Variants in PLCG2 observed in about 807,000 individuals in gnomAD.
PLCG2 encodes the protein 1-phosphatidylinositol 4,5-bisphosphate phosphodiesterase gamma-2.
A neutral mutation model predicts 175.6 loss-of-function variants in PLCG2; 69 were observed. The ratio of observed to expected loss-of-function variants is 0.39; its 90% confidence interval spans 0.32 to 0.48. The LOEUF (loss-of-function observed/expected upper bound fraction) is 0.48, where lower values mean the gene tolerates loss of function less well. PLCG2 is among the 20% of genes least tolerant of loss of function. The probability of loss-of-function intolerance (pLI) is 0.91; values close to 1 mark genes in which losing one functional copy is unlikely to be tolerated. For synonymous variants in PLCG2, 827 were observed against 624.0 expected (o/e 1.33, Z -4.85); for missense variants, 1,798 against 1,650.9 (o/e 1.09, Z -1.54).
intron 11 of PLCG2, 115 bp from the exon 12 acceptor site, chr16:81,893,588 AGAACTC>A: frequency 2.9e-6 from 2 of 683,474 alleles, no homozygotes; most frequent in Non-Finnish European, 5.2e-6. Flanking sequence ...TCTACATGGA[AGAACTC>A]AGAGCTTTGG....
chr16:81,785,237 A>C (rs1199036684), intron 1 of PLCG2, among the ~76,000 whole-genome samples: 2 of 152,164 alleles, frequency 1.3e-5, no homozygotes, highest in Non-Finnish European at 2.9e-5. Context: ...GACACCTCCT[A>C]GGTGCTGGCC....
chr16:81,838,165 G>A (rs111611909), intron 2 of PLCG2, among the ~76,000 whole-genome samples: 2,554 of 151,438 alleles, frequency 0.017, 25 homozygotes, highest in Non-Finnish European at 0.025. Flanking sequence ...TGCAACCTCT[G>A]CCTCCTGGGT....
chr16:81,757,676 T>A (rs1909956929), intron 2 of PLCG2, among the ~76,000 whole-genome samples: 1 of 152,220 alleles, frequency 6.6e-6, no homozygotes, highest in Non-Finnish European at 1.5e-5. Context: ...AATTCATGTA[T>A]CACGCAATTC....
At chr16:81,900,340 G>T (rs1282998195) in intron 13 of PLCG2, among the ~76,000 whole-genome samples, 1 of 152,196 alleles carries the variant, frequency 6.6e-6, no homozygotes, top group Non-Finnish European at 1.5e-5. Flanking sequence ...TAAGTTTAAA[G>T]ATATGAATAG....
chr16:81,812,093 A>G (rs1597332506), intron 2 of PLCG2, among the ~76,000 whole-genome samples: 1 of 116,722 alleles, frequency 8.6e-6, no homozygotes, highest in Non-Finnish European at 1.6e-5. Flanking sequence ...TCTTTTGCCC[A>G]GGCTGGACTG....
rs377752384 is a variant in PLCG2, at chr16:81,936,239, C to T, written c.2913C>T (p.Pro971=). ...CTGACAGCATCATCAGACAGAAGCC[C>T]GTCGACCTCCTGAAGTACAATCAAA... is the stretch of plus-strand genomic sequence containing the variant. ...TKADSIIRQK[P]VDLLKYNQKG... is the part of the protein sequence containing the mutation. Residue 971 remains proline (P), a synonymous_variant, in exon 27 of 33, where the codon CCC becomes CCT. Transcript: ENST00000564138. 82 of 1,614,006 alleles carry T rather than the reference C, an allele frequency of 5.1e-5. 1 individual carries two copies. Among genetic ancestry groups the T allele is most frequent in the African/African-American group, 3.1e-4 (23 of 74,904 alleles).
chr16:81,850,040 A>G (rs958865674), intron 2 of PLCG2, among the ~76,000 whole-genome samples: 1 of 152,240 alleles, frequency 6.6e-6, no homozygotes, highest in Non-Finnish European at 1.5e-5. Flanking sequence ...TGTCTTTAAA[A>G]AGTCAAAGGC....
At chr16:81,829,694 C>A (rs1468528616) in intron 2 of PLCG2, among the ~76,000 whole-genome samples, 1 of 152,110 alleles carries the variant, frequency 6.6e-6, no homozygotes, top group Non-Finnish European at 1.5e-5. Context: ...TGTTTATTTC[C>A]ATCGATATGT....
intron 10 of PLCG2, among the ~76,000 whole-genome samples, chr16:81,889,977 G>A (rs1228491336): frequency 2.6e-5 from 4 of 152,010 alleles, no homozygotes; most frequent in Non-Finnish European, 4.4e-5. Context: ...TTTTTTTAAA[G>A]ATTGTTTGGC....
intron 2 of PLCG2, among the ~76,000 whole-genome samples, chr16:81,851,783 G>C (rs551790141): frequency 6.6e-6 from 1 of 151,848 alleles, no homozygotes; most frequent in African/African-American, 2.4e-5. Flanking sequence ...AAAGTGCTGG[G>C]ATTACAGGCG....
upstream of PLCG2, among the ~76,000 whole-genome samples, chr16:81,778,030 AAC>A (rs869227137): frequency 5.4e-4 from 44 of 81,942 alleles, 1 homozygote; most frequent in Middle Eastern, 5.9e-3. Context: ...AAAAAAAAAA[AAC>A]AAAAAAAAAA....
intron 9 of PLCG2, among the ~76,000 whole-genome samples, chr16:81,888,235 G>C (rs1196381495): frequency 6.6e-6 from 1 of 152,084 alleles, no homozygotes; most frequent in Non-Finnish European, 1.5e-5. Flanking sequence ...TTTTGAGACA[G>C]AGTTTCACTC....
At chr16:81,846,314 A>G (rs1456340522) in intron 2 of PLCG2, among the ~76,000 whole-genome samples, 2 of 152,112 alleles carry the variant, frequency 1.3e-5, no homozygotes, top group Non-Finnish European at 2.9e-5. Context: ...GCCACTCCCT[A>G]TACAGTCAGG....
chr16:81,894,195 G>C (rs1908774528), intron 12 of PLCG2, among the ~76,000 whole-genome samples: 1 of 152,132 alleles, frequency 6.6e-6, no homozygotes, highest in African/African-American at 2.4e-5. Flanking sequence ...TCAGGAGGCT[G>C]AAGTGGGAGG....
chr16:81,815,923 A>T (rs7404552), intron 2 of PLCG2, among the ~76,000 whole-genome samples: 1 of 151,942 alleles, frequency 6.6e-6, no homozygotes. Context: ...TTAGCCAGGC[A>T]TGGTGACTTG....
At chr16:81,910,207 C>T (rs1034738788) in intron 17 of PLCG2, among the ~76,000 whole-genome samples, 10 of 152,316 alleles carry the variant, frequency 6.6e-5, no homozygotes, top group African/African-American at 1.9e-4. Context: ...TCTCTTGCCT[C>T]AGCCTCCCAA....
chr16:81,870,824 C>T, intron 6 of PLCG2, 28 bp from the exon 7 acceptor site: 2 of 1,290,722 alleles, frequency 1.5e-6, no homozygotes, highest in South Asian at 1.3e-5. Context: ...CATCAAAAAT[C>T]ATGTGGTCAC....
At chr16:81,815,116 A>T (rs1904485796) in intron 2 of PLCG2, among the ~76,000 whole-genome samples, 1 of 152,182 alleles carries the variant, frequency 6.6e-6, no homozygotes, top group South Asian at 2.1e-4. Context: ...AAGGAATGAT[A>T]ATTGGGGAAT....
intron 1 of PLCG2, among the ~76,000 whole-genome samples, chr16:81,748,527 G>A (rs966760685): frequency 3.3e-5 from 5 of 152,174 alleles, no homozygotes; most frequent in South Asian, 4.1e-4. Flanking sequence ...AGGATGTCTC[G>A]GAGAGGAGAA....
Sources: gnomAD v4.1 joint callset for allele counts (sites outside exome capture counted in the v4.1 genomes callset) on GRCh38, gnomAD v4.1.1 for gene constraint, MANE v1.5 for transcripts, NCBI Gene and HGNC (gene_info 2026-07-23, HGNC 2026-07-21) for gene names.